The following VIT variants were observed in gnomAD, a reference collection of about 807,000 sequenced individuals.
VIT encodes vitrin.
In VIT, 99 loss-of-function variants were observed where a neutral mutation model predicts 78.0. That is an observed-to-expected ratio of 1.27 (90% CI 1.08 to 1.50). VIT has a LOEUF of 1.50. Ranked by LOEUF, VIT falls within the 40% of genes most tolerant of loss-of-function variation. VIT has a pLI of 0.00. For synonymous variants in VIT, 374 were observed against 334.3 expected (o/e 1.12, Z -1.29); for missense variants, 1,126 against 875.3 (o/e 1.29, Z -3.61).
intron 3 of VIT, 89 bp downstream of exon 3, chr2:36,729,580 G>C: frequency 7.1e-7 from 1 of 1,406,750 alleles, no homozygotes; most frequent in Non-Finnish European, 9.8e-7. Context: ...TTTTTGTTTT[G>C]GTTTGGTTTT....
At chr2:36,735,457 G>T (rs1452537705) in intron 3 of VIT, among the ~76,000 whole-genome samples, 6 of 152,196 alleles carry the variant, frequency 3.9e-5, no homozygotes, top group African/African-American at 9.6e-5. Flanking sequence ...TACTTACAAA[G>T]ATTTCCTCCC....
intron 1 of VIT, among the ~76,000 whole-genome samples, chr2:36,706,625 C>T (rs958626928): frequency 3.3e-5 from 5 of 152,132 alleles, no homozygotes; most frequent in Admixed American, 1.3e-4. Flanking sequence ...TTCAGAATCC[C>T]GATTCCAAAA....
At chr2:36,750,679 G>C (rs1236632907) in intron 4 of VIT, among the ~76,000 whole-genome samples, 1 of 151,688 alleles carries the variant, frequency 6.6e-6, no homozygotes, top group Non-Finnish European at 1.5e-5. Context: ...AAATTAGCTG[G>C]GCATGGCGGT....
intron 1 of VIT, among the ~76,000 whole-genome samples, chr2:36,699,554 C>A (rs1664896056): frequency 6.7e-6 from 1 of 149,582 alleles, no homozygotes. Context: ...ATAGATGTCT[C>A]CATATTCTTC....
At position 36,758,956 on chromosome 2, in the gene VIT, C is replaced by T. The variant is rs73924179; in HGVS notation, c.410-13C>T. ...TAGAAATAAATCTCGTTTTTTTTTTCTCTTTTTTGCAGAAAGTAAACCCAA... is the reference window on the plus strand; with the variant it reads ...TAGAAATAAATCTCGTTTTTTTTTTTTCTTTTTTGCAGAAAGTAAACCCAA... On this transcript the variant is annotated splice_polypyrimidine_tract_variant and intron_variant, in intron 5 of 15. Coordinates refer to ENST00000379242, the MANE Select transcript of VIT (RefSeq NM_053276.4). The T allele has an allele frequency of 7.0e-3, 10,863 of 1,555,764 alleles. 235 individuals are homozygous for T. In the African/African-American group the frequency reaches 0.095, roughly 14 times the overall value.
intron 7 of VIT, among the ~76,000 whole-genome samples, chr2:36,771,902 C>T (rs1669782492): frequency 1.3e-5 from 2 of 152,142 alleles, no homozygotes; most frequent in South Asian, 2.1e-4. Flanking sequence ...AAGCAGGCTA[C>T]AAAACAGCAT....
At chr2:36,802,600 T>G (rs896551907) in intron 13 of VIT, among the ~76,000 whole-genome samples, 3 of 152,252 alleles carry the variant, frequency 2.0e-5, no homozygotes, top group Admixed American at 2.0e-4. Flanking sequence ...AAAGCAGTAT[T>G]ACCTTCATCA....
chr2:36,720,385 T>C (rs533728197), intron 2 of VIT, among the ~76,000 whole-genome samples: 1 of 152,120 alleles, frequency 6.6e-6, no homozygotes, highest in Non-Finnish European at 1.5e-5. Context: ...GAACACACAA[T>C]GGGGAAAGAA....
chr2:36,808,712 G>C lies in VIT; in HGVS notation c.1630G>C (p.Asp544His). 1 of 1,614,200 alleles carries C rather than the reference G, an allele frequency of 6.2e-7. No homozygotes were observed. The highest frequency in any genetic ancestry group is 8.5e-7 in the Non-Finnish European group (1 of 1,180,038). ...CCTCACCAAAGAGTTTGAGATTTCCGACACGGACACGCGCATCGGGGCCGT... is the reference window on the plus strand; with the variant it reads ...CCTCACCAAAGAGTTTGAGATTTCCCACACGGACACGCGCATCGGGGCCGT... Reference protein sequence around the residue: ...TNLTKEFEISDTDTRIGAVQY... With the variant: ...TNLTKEFEISHTDTRIGAVQY... Residue 544 changes from aspartate to histidine, a missense_variant, in exon 15 of 16, where the codon GAC becomes CAC. Coordinates refer to ENST00000379242, the MANE Select transcript of VIT (RefSeq NM_053276.4).
chr2:36,778,525 C>G (rs1396925218), intron 9 of VIT, among the ~76,000 whole-genome samples: 2 of 152,186 alleles, frequency 1.3e-5, no homozygotes, highest in Admixed American at 1.3e-4. Flanking sequence ...GTTAATGTTT[C>G]CAAGAGAAAA....
chr2:36,813,019 C>A lies in VIT; in HGVS notation c.1904-1164C>A, dbSNP rs563962255. 1.2e-3 allele frequency among the ~76,000 whole-genome samples: 168 copies of A among 140,200 alleles called. 2 individuals are homozygous for A. Among genetic ancestry groups the A allele is most frequent in the South Asian group, 3.8e-3 (16 of 4,216 alleles). 92.0% of individuals were successfully genotyped at this position (140,200 alleles called of 152,430 possible). A position where few individuals can be genotyped will look rare whatever the true frequency, so the allele number is the denominator to read the frequency against. On this transcript the variant is annotated intron_variant, in intron 15 of 15. Transcript: ENST00000379242. ...TGGGACTACAGGCATGTGCCACCAC[C>A]CCTGGCTAATTTTTTGCAAAAAAAA... is the stretch of plus-strand genomic sequence containing the variant.
intron 12 of VIT, among the ~76,000 whole-genome samples, chr2:36,792,456 C>CGCTTGA (rs146957352): frequency 0.019 from 2,842 of 152,236 alleles, 41 homozygotes; most frequent in Non-Finnish European, 0.032. Context: ...CAAACGACTG[C>CGCTTGA]GCTTGACTTC....
intron 7 of VIT, among the ~76,000 whole-genome samples, chr2:36,771,443 T>C (rs553382936): frequency 6.6e-6 from 1 of 151,592 alleles, no homozygotes; most frequent in African/African-American, 2.4e-5. Flanking sequence ...GGAGAATCGC[T>C]TGAACCCGGG....
chr2:36,797,919 C>G (rs139832705), intron 12 of VIT, among the ~76,000 whole-genome samples: 1 of 152,130 alleles, frequency 6.6e-6, no homozygotes, highest in Non-Finnish European at 1.5e-5. Flanking sequence ...GAGAGATTGT[C>G]AGCTGGGGCT....
At chr2:36,711,896 G>C (rs1665824036) in intron 1 of VIT, among the ~76,000 whole-genome samples, 1 of 152,154 alleles carries the variant, frequency 6.6e-6, no homozygotes, top group African/African-American at 2.4e-5. Flanking sequence ...TGCCTCACCA[G>C]AACTACATAT....
intron 1 of VIT, among the ~76,000 whole-genome samples, chr2:36,705,981 C>T (rs1378296650): frequency 6.6e-6 from 1 of 152,184 alleles, no homozygotes. Flanking sequence ...CAAAAAGTCT[C>T]CAAACACTAT....
intron 6 of VIT, 77 bp downstream of exon 6, chr2:36,759,123 A>G: frequency 6.2e-7 from 1 of 1,614,044 alleles, no homozygotes; most frequent in East Asian, 2.2e-5. Context: ...ATAGCGGAGA[A>G]ATTAACATCT....
At chr2:36,777,374 GAT>G (rs1670138812) in intron 9 of VIT, among the ~76,000 whole-genome samples, 2 of 151,830 alleles carry the variant, frequency 1.3e-5, no homozygotes, top group African/African-American at 4.8e-5. Context: ...TCTTTTCCAG[GAT>G]ATCTCTTTAA....
rs776323615 is a variant in VIT, at chr2:36,808,751, G to C, written c.1669G>C (p.Glu557Gln). 2 of 1,614,082 alleles carry C rather than the reference G, an allele frequency of 1.2e-6. No individual in the cohort carries two copies. Among genetic ancestry groups the C allele is most frequent in the African/African-American group, 1.3e-5 (1 of 75,040 alleles). Residue 557 changes from glutamate (E) to glutamine (Q), a missense_variant, in exon 15 of 16, where the codon GAA becomes CAA. Coordinates refer to ENST00000379242, the MANE Select transcript of VIT (RefSeq NM_053276.4). Reference sequence around the variant, plus strand: ...CATCGGGGCCGTGCAGTACACCTACGAACAGCGGCTGGAGTTTGGGTTCGA... The same window carrying C: ...CATCGGGGCCGTGCAGTACACCTACCAACAGCGGCTGGAGTTTGGGTTCGA... ...TRIGAVQYTYEQRLEFGFDKY... is the reference protein window; with the variant it reads ...TRIGAVQYTYQQRLEFGFDKY...
Sources: gnomAD v4.1 joint callset for allele counts (sites outside exome capture counted in the v4.1 genomes callset) on GRCh38, gnomAD v4.1.1 for gene constraint, MANE v1.5 for transcripts, NCBI Gene and HGNC (gene_info 2026-07-23, HGNC 2026-07-21) for gene names.